SEC22A: variants seen among roughly 807,000 people sequenced by gnomAD.
SEC22A encodes the protein vesicle-trafficking protein SEC22a.
SEC22A carries 22 observed loss-of-function variants against 35.3 expected under a neutral mutation model. That is an observed-to-expected ratio of 0.62 (90% CI 0.45 to 0.89). The LOEUF (loss-of-function observed/expected upper bound fraction) is 0.89, where lower values mean the gene tolerates loss of function less well. SEC22A is among the 40% of genes least tolerant of loss of function. The pLI, the probability that SEC22A is intolerant of heterozygous loss-of-function variation, is 0.00. For missense variants in SEC22A, 354 were observed against 362.5 expected (o/e 0.98, Z 0.19); for synonymous variants, 119 against 129.5 (o/e 0.92, Z 0.55).
At chr3:123,246,457 C>T (rs74558456) in intron 5 of SEC22A, among the ~76,000 whole-genome samples, 4,891 of 152,246 alleles carry the variant, frequency 0.032, 107 homozygotes, top group African/African-American at 0.052. Flanking sequence ...AGAGGGCACA[C>T]GTGGGCTGTG....
intron 2 of SEC22A, among the ~76,000 whole-genome samples, chr3:123,214,187 T>C (rs183256372): frequency 2.6e-4 from 39 of 152,230 alleles, no homozygotes; most frequent in Admixed American, 2.6e-3. Flanking sequence ...AGAGTGAGAC[T>C]CTGCCTCAAA....
At chr3:123,263,701 A>G (rs1389410028) in intron 6 of SEC22A, among the ~76,000 whole-genome samples, 2 of 151,956 alleles carry the variant, frequency 1.3e-5, no homozygotes, top group Non-Finnish European at 2.9e-5. Context: ...TTTAGTAGAG[A>G]TGGGGTTTCA....
intron 4 of SEC22A, among the ~76,000 whole-genome samples, chr3:123,230,923 C>G (rs1937315393): frequency 1.3e-5 from 2 of 151,888 alleles, no homozygotes; most frequent in African/African-American, 4.8e-5. Flanking sequence ...ATGTTGTCTT[C>G]AGGAGACATA....
chr3:123,205,170 A>G (rs1475351098), intron 1 of SEC22A, among the ~76,000 whole-genome samples: 1 of 152,222 alleles, frequency 6.6e-6, no homozygotes, highest in Admixed American at 6.5e-5. Context: ...CAAATTAGTT[A>G]AGCCTGACGT....
rs926939835 is a variant in SEC22A at position 123,247,899 on chromosome 3, G to A, written c.657+1885G>A. 6.6e-5 allele frequency among the ~76,000 whole-genome samples: 10 copies of A among 152,028 alleles called. 1 individual carries two copies. Among genetic ancestry groups the A allele is most frequent in the African/African-American group, 2.4e-4 (10 of 41,378 alleles). On this transcript the variant is annotated intron_variant, in intron 5 of 6. Transcript: ENST00000492595. ...GTGGAATTTATCCCAGGTATGCGGG[G>A]GCCAGTCACCCTTAGAAGCCAATTA...
intron 1 of SEC22A, chr3:123,208,225 C>T (rs184321572): frequency 1.3e-5 from 2 of 152,248 alleles, no homozygotes; most frequent in Non-Finnish European, 2.9e-5. Context: ...TTAGTTGCTG[C>T]ATTATATTCT....
At chr3:123,209,453 A>G in intron 2 of SEC22A, 54 bp downstream of exon 2, 1 of 1,465,898 alleles carries the variant, frequency 6.8e-7, no homozygotes, top group Non-Finnish European at 9.4e-7. Flanking sequence ...TGTCATTTTA[A>G]TGAAGTTTAA....
chr3:123,252,128 A>C (rs188505356), intron 5 of SEC22A, among the ~76,000 whole-genome samples: 5 of 152,172 alleles, frequency 3.3e-5, no homozygotes, highest in Non-Finnish European at 5.9e-5. Context: ...CTTACTTTTA[A>C]TTTTCCCTTA....
At chr3:123,271,321 A>G (rs1213696778) in intron 6 of SEC22A, among the ~76,000 whole-genome samples, 1 of 152,226 alleles carries the variant, frequency 6.6e-6, no homozygotes, top group East Asian at 1.9e-4. Flanking sequence ...AAAACTTAAG[A>G]GGAAAATCTA....
intron 2 of SEC22A, among the ~76,000 whole-genome samples, chr3:123,219,533 C>T (rs1405680566): frequency 6.6e-6 from 1 of 152,162 alleles, no homozygotes. Context: ...AGTTACTAAG[C>T]CTCTCTGAGT....
At chr3:123,219,448 G>C (rs1454783139) in intron 2 of SEC22A, among the ~76,000 whole-genome samples, 2 of 152,228 alleles carry the variant, frequency 1.3e-5, no homozygotes, top group African/African-American at 4.8e-5. Context: ...GTATTGTATT[G>C]TGGAAAGAAT....
chr3:123,246,667 A>G (rs1937569776), intron 5 of SEC22A, among the ~76,000 whole-genome samples: 1 of 152,028 alleles, frequency 6.6e-6, no homozygotes, highest in Admixed American at 6.6e-5. Flanking sequence ...CTTTTTGTAA[A>G]CTTTTTGAAA....
chr3:123,266,044 A>G (rs187576971), intron 6 of SEC22A, among the ~76,000 whole-genome samples: 2 of 152,254 alleles, frequency 1.3e-5, no homozygotes, highest in Admixed American at 1.3e-4. Context: ...TTTTTTGAGG[A>G]AATGGTCCAT....
At chr3:123,241,885 A>G (rs1269409476) in intron 4 of SEC22A, among the ~76,000 whole-genome samples, 8 of 152,186 alleles carry the variant, frequency 5.3e-5, no homozygotes, top group Admixed American at 3.3e-4. Flanking sequence ...CCAGGCACAG[A>G]AAGACAAACA....
chr3:123,237,066 A>G (rs1317697772), intron 4 of SEC22A, among the ~76,000 whole-genome samples: 2 of 152,200 alleles, frequency 1.3e-5, no homozygotes, highest in African/African-American at 4.8e-5. Flanking sequence ...CTCTGTTAGT[A>G]TAACACATGA....
chr3:123,209,545 T>C, intron 2 of SEC22A, 146 bp downstream of exon 2: 1 of 641,684 alleles, frequency 1.6e-6, no homozygotes, highest in Non-Finnish European at 2.6e-6. Context: ...TAAATAGTCA[T>C]CATGTCAGCA....
chr3:123,252,559 GA>G (rs1428611669), intron 5 of SEC22A, among the ~76,000 whole-genome samples: 4 of 152,122 alleles, frequency 2.6e-5, no homozygotes, highest in Admixed American at 6.5e-5. Flanking sequence ...TCCTGAGTTT[GA>G]GTAATATATA....
intron 4 of SEC22A, among the ~76,000 whole-genome samples, chr3:123,244,868 T>C (rs1937554115): frequency 6.6e-6 from 1 of 152,216 alleles, no homozygotes. Context: ...TATTTAGTTA[T>C]GTGTTTTCAT....
At chr3:123,259,642 T>C in intron 6 of SEC22A, 53 bp downstream of exon 6, 1 of 1,185,000 alleles carries the variant, frequency 8.4e-7, no homozygotes, top group African/African-American at 1.5e-5. Flanking sequence ...TTACTTCGGG[T>C]ATCAGTTCTA....
Sources: gnomAD v4.1 joint callset for allele counts (sites outside exome capture counted in the v4.1 genomes callset) on GRCh38, gnomAD v4.1.1 for gene constraint, MANE v1.5 for transcripts, NCBI Gene and HGNC (gene_info 2026-07-23, HGNC 2026-07-21) for gene names.